SPATA17: variants seen among roughly 807,000 people sequenced by gnomAD.
SPATA17 encodes spermatogenesis associated 17.
Under a neutral mutation model 62.2 loss-of-function variants are expected in SPATA17, and 53 were observed. The ratio of observed to expected loss-of-function variants is 0.85; its 90% confidence interval spans 0.68 to 1.07. The LOEUF is 1.07. Ranked by LOEUF, SPATA17 falls within the 50% of genes least tolerant of loss-of-function variation. The pLI is 0.00. For missense variants in SPATA17, 466 were observed against 425.5 expected, an observed-to-expected ratio of 1.10 and a Z score of -0.84; for synonymous variants, 146 against 146.8, an observed-to-expected ratio of 0.99 and a Z score of 0.04.
At chr1:217,795,621 C>T (rs550908577) in intron 8 of SPATA17, among the ~76,000 whole-genome samples, 9 of 151,816 alleles carry the variant, frequency 5.9e-5, no homozygotes, top group African/African-American at 1.9e-4. Context: ...CCACCCACCT[C>T]GGCCTCCCAA....
At chr1:217,718,244 A>G (rs1309712859) in intron 5 of SPATA17, among the ~76,000 whole-genome samples, 4 of 152,212 alleles carry the variant, frequency 2.6e-5, no homozygotes, top group African/African-American at 7.2e-5. Context: ...TCATGTGCCT[A>G]TCTAAAAGAA....
chr1:217,806,372 C>A (rs995287446), intron 9 of SPATA17, among the ~76,000 whole-genome samples: 2 of 152,054 alleles, frequency 1.3e-5, no homozygotes, highest in Admixed American at 1.3e-4. Context: ...TCTAGAGAGG[C>A]GGCCCCACTC....
intron 8 of SPATA17, among the ~76,000 whole-genome samples, chr1:217,798,216 A>G (rs1039398829): frequency 9.2e-5 from 14 of 152,218 alleles, no homozygotes; most frequent in African/African-American, 3.4e-4. Flanking sequence ...ATAGCATCTT[A>G]CAGTCACTCT....
intron 7 of SPATA17, chr1:217,781,354 C>G (rs1673722441): frequency 6.6e-6 from 1 of 152,130 alleles, no homozygotes; most frequent in African/African-American, 2.4e-5. Context: ...TATTACTTCT[C>G]TCCTATACGA....
chr1:217,808,779 T>C (rs7516615), intron 9 of SPATA17, among the ~76,000 whole-genome samples: 136,116 of 151,544 alleles, frequency 0.9, 61,266 homozygotes, highest in East Asian at 0.93. Context: ...CGCTTGAACC[T>C]GGGAAGCAGA....
At chr1:217,827,614 A>G (rs1393027370) in intron 9 of SPATA17, among the ~76,000 whole-genome samples, 1 of 152,176 alleles carries the variant, frequency 6.6e-6, no homozygotes, top group Admixed American at 6.5e-5. Context: ...TCACAATAGC[A>G]AAGACATGGA....
intron 5 of SPATA17, among the ~76,000 whole-genome samples, chr1:217,696,354 C>T (rs1273984370): frequency 2.0e-5 from 3 of 152,158 alleles, no homozygotes; most frequent in Non-Finnish European, 4.4e-5. Context: ...CTTCGGCTCG[C>T]GCACAGTGCG....
intron 6 of SPATA17, among the ~76,000 whole-genome samples, chr1:217,748,743 C>CA (rs34000760): frequency 0.041 from 4,764 of 115,062 alleles, 249 homozygotes; most frequent in African/African-American, 0.13. Flanking sequence ...GACTCTGACT[C>CA]AAAAAAAAAA....
At chr1:217,653,501 A>G (rs988134414) in intron 3 of SPATA17, among the ~76,000 whole-genome samples, 1 of 152,184 alleles carries the variant, frequency 6.6e-6, no homozygotes. Flanking sequence ...CTGTGCTTAT[A>G]TACTAAAATT....
chr1:217,674,519 C>G (rs946838063), intron 4 of SPATA17, among the ~76,000 whole-genome samples: 12 of 152,152 alleles, frequency 7.9e-5, no homozygotes, highest in Non-Finnish European at 1.8e-4. Context: ...CAAGTGAGTG[C>G]AGGGTCTGGC....
At chr1:217,636,556 G>A (rs1239941671) in intron 1 of SPATA17, among the ~76,000 whole-genome samples, 5 of 152,014 alleles carry the variant, frequency 3.3e-5, no homozygotes, top group Admixed American at 6.6e-5. Flanking sequence ...GGGATTACAG[G>A]CACCTGCCAC....
chr1:217,847,385 C>T (rs1210607368), intron 9 of SPATA17, among the ~76,000 whole-genome samples: 1 of 152,068 alleles, frequency 6.6e-6, no homozygotes, highest in African/African-American at 2.4e-5. Flanking sequence ...AGTTCAAGGG[C>T]ATCCAAGTAT....
intron 8 of SPATA17, among the ~76,000 whole-genome samples, chr1:217,792,013 G>T (rs1017069711): frequency 1.3e-5 from 2 of 152,226 alleles, no homozygotes; most frequent in South Asian, 4.1e-4. Flanking sequence ...ACTGGAAGAA[G>T]AAGAAGAATT....
chr1:217,777,505 G>T (rs550351248), intron 7 of SPATA17, among the ~76,000 whole-genome samples: 1 of 152,024 alleles, frequency 6.6e-6, no homozygotes, highest in Non-Finnish European at 1.5e-5. Context: ...TGGTTCAAGC[G>T]ATTCTCCTGC....
intron 9 of SPATA17, among the ~76,000 whole-genome samples, chr1:217,804,195 T>TA (rs1427675331): frequency 6.6e-6 from 1 of 152,026 alleles, no homozygotes; most frequent in African/African-American, 2.4e-5. Flanking sequence ...GGTCCTAGCA[T>TA]AAAAAATAGA....
chr1:217,706,407 G>A (rs1671735683), intron 5 of SPATA17, among the ~76,000 whole-genome samples: 1 of 152,156 alleles, frequency 6.6e-6, no homozygotes, highest in South Asian at 2.1e-4. Context: ...GAAGGGACCT[G>A]TAATCCCCAT....
chr1:217,718,466 T>C (rs551481360), intron 5 of SPATA17, among the ~76,000 whole-genome samples: 1 of 152,324 alleles, frequency 6.6e-6, no homozygotes, highest in East Asian at 1.9e-4. Flanking sequence ...CTGCTAGTTA[T>C]CCAGGTGGTT....
chr1:217,765,084 C>A (rs1673262826), intron 6 of SPATA17, among the ~76,000 whole-genome samples: 2 of 151,840 alleles, frequency 1.3e-5, no homozygotes, highest in Non-Finnish European at 2.9e-5. Context: ...CTTTTTATTA[C>A]CCTTTTAATA....
chr1:217,712,563 C>T (rs1374655339), intron 5 of SPATA17, among the ~76,000 whole-genome samples: 1 of 152,116 alleles, frequency 6.6e-6, no homozygotes, highest in Non-Finnish European at 1.5e-5. Flanking sequence ...TCTGCCCCCT[C>T]CTCCAGCCCC....
Sources: gnomAD v4.1 joint callset for allele counts (sites outside exome capture counted in the v4.1 genomes callset) on GRCh38, gnomAD v4.1.1 for gene constraint, MANE v1.5 for transcripts, NCBI Gene and HGNC (gene_info 2026-07-23, HGNC 2026-07-21) for gene names.